ALG12: variants seen among roughly 807,000 people sequenced by gnomAD.
ALG12 encodes dol-P-Man:Man(7)GlcNAc(2)-PP-Dol alpha-1,6-mannosyltransferase.
Under a neutral mutation model 46.0 loss-of-function variants are expected in ALG12, and 36 were observed. That is an observed-to-expected ratio of 0.78 (90% CI 0.60 to 1.03). The LOEUF (loss-of-function observed/expected upper bound fraction) is 1.03, where lower values mean the gene tolerates loss of function less well. ALG12 is among the 50% of genes least tolerant of loss of function. ALG12 has a pLI of 0.00. For synonymous variants in ALG12, 326 were observed against 291.6 expected, an observed-to-expected ratio of 1.12 and a Z score of -1.20; for missense variants, 599 against 633.5, an observed-to-expected ratio of 0.95 and a Z score of 0.58.
chr22:49,885,949 G>T, the ALG12 span: 3 of 746,208 alleles, frequency 4.0e-6, no homozygotes, highest in Admixed American at 4.2e-5. Flanking sequence ...GCGCTGTGAC[G>T]ACCACCACTG....
At chr22:49,876,534 A>G in the ALG12 span, among the ~76,000 whole-genome samples, 2 of 152,046 alleles carry the variant, frequency 1.3e-5, no homozygotes, top group African/African-American at 2.4e-5. Flanking sequence ...TGTTATATTT[A>G]GTATGTTATT....
At chr22:49,867,739 T>G in the ALG12 span, among the ~76,000 whole-genome samples, 3 of 152,332 alleles carry the variant, frequency 2.0e-5, no homozygotes, top group African/African-American at 7.2e-5. Flanking sequence ...CTAGGCCTTG[T>G]AATACTGACT....
rs146341718 is a variant in ALG12 at position 49,904,193 on chromosome 22, G to T, written c.1224C>A (p.Val408=). The T allele has an allele frequency of 3.1e-6, 5 of 1,614,078 alleles. No individual in the cohort carries two copies. The African/African-American group carries it at 6.7e-5, about 22-fold the overall frequency. ...GTGGATCCTACCTCCAGGCGCTGTT[G>T]ACTTGGAGAAACCGAGACACACCTG... The part of the protein sequence containing the change: ...AQTGVSRFLQ[V]NSAWRYDKRE... Residue 408 remains valine, a synonymous_variant, in exon 9 of 10, where the codon GTC becomes GTA. Coordinates refer to ENST00000330817, the MANE Select transcript of ALG12 (RefSeq NM_024105.4).
the ALG12 span, among the ~76,000 whole-genome samples, chr22:49,883,107 A>G: frequency 6.6e-6 from 1 of 152,166 alleles, no homozygotes; most frequent in African/African-American, 2.4e-5. Flanking sequence ...TCCTTTATTA[A>G]TAGGCCACTT....
At chr22:49,904,601 A>G (rs1375070669) in intron 7 of ALG12, 95 bp from the exon 8 acceptor site, 13 of 1,404,746 alleles carry the variant, frequency 9.3e-6, no homozygotes, top group East Asian at 2.4e-5. Flanking sequence ...CTGCTGTTCA[A>G]CTTCACCAAG....
At chr22:49,885,614 C>G in the ALG12 span, 1 of 1,611,104 alleles carries the variant, frequency 6.2e-7, no homozygotes, top group Non-Finnish European at 8.5e-7. Context: ...TTTTACGATT[C>G]TCACCCAGTT....
In ALG12 at chr22:49,906,042, C is replaced by CT. The variant is rs1402139851; in HGVS notation, c.993-1537dup. 6.6e-6 allele frequency among the ~76,000 whole-genome samples: 1 copy of CT among 152,202 alleles called. No homozygotes were observed. The highest frequency in any genetic ancestry group is 2.4e-5 in the African/African-American group (1 of 41,448). On this transcript the variant is annotated intron_variant, in intron 7 of 9. Transcript: ENST00000330817. The surrounding 1 kb of genome is among the most constrained non-coding windows in gnomAD (Gnocchi z 4.4). ...TGCTCTTGCTCCCAGGGTGGCCGGGCTGAGGACCTGACTTCGGAGGGGGCC... is the reference window on the plus strand; with the variant it reads ...TGCTCTTGCTCCCAGGGTGGCCGGGCTTGAGGACCTGACTTCGGAGGGGGCC...
At chr22:49,886,291 T>C in the ALG12 span, 21 of 1,466,912 alleles carry the variant, frequency 1.4e-5, no homozygotes, top group Non-Finnish European at 2.0e-5. This position sits in a 1 kb window ranked among gnomAD's most constrained non-coding sequence, Gnocchi z 7.7. Flanking sequence ...GCAGAGGGAG[T>C]ACGCGCTGCC....
chr22:49,891,433 CAG>C, the ALG12 span, among the ~76,000 whole-genome samples: 1 of 152,190 alleles, frequency 6.6e-6, no homozygotes, highest in African/African-American at 2.4e-5. Flanking sequence ...CCTCTTTAAT[CAG>C]AGCATGAACA....
At chr22:49,880,016 A>G in the ALG12 span, among the ~76,000 whole-genome samples, 1 of 151,546 alleles carries the variant, frequency 6.6e-6, no homozygotes, top group African/African-American at 2.4e-5. Flanking sequence ...TTTGTCAGCC[A>G]TTTTGTATTT....
chr22:49,892,895 G>C, the ALG12 span, among the ~76,000 whole-genome samples: 7 of 152,302 alleles, frequency 4.6e-5, no homozygotes, highest in African/African-American at 1.4e-4. Flanking sequence ...AGAATCATAA[G>C]ACAATAGAAA....
chr22:49,906,519 GAGGGCAGTGC>G lies in ALG12; in HGVS notation c.992+1192_992+1201del, dbSNP rs2060542771. ...GGCAGCCAGAGGAGCTCCCAGGCCC[GAGGGCAGTGC>G]GGGGCAGTCGGAGCTGGGGGGCACC... is the stretch of plus-strand genomic sequence containing the variant. On this transcript the variant is annotated intron_variant, in intron 7 of 9. Coordinates refer to ENST00000330817, the MANE Select transcript of ALG12 (RefSeq NM_024105.4). The surrounding 1 kb of genome is among the most constrained non-coding windows in gnomAD (Gnocchi z 4.4). 6.6e-6 allele frequency among the ~76,000 whole-genome samples: 1 copy of G among 152,136 alleles called. No individual in the cohort carries two copies.
chr22:49,868,933 G>A, the ALG12 span, among the ~76,000 whole-genome samples: 1 of 139,304 alleles, frequency 7.2e-6, no homozygotes, highest in African/African-American at 2.7e-5. Context: ...CCAACATGGA[G>A]AAACTCTGTC....
At chr22:49,867,263 A>G in the ALG12 span, among the ~76,000 whole-genome samples, 75 of 152,154 alleles carry the variant, frequency 4.9e-4, no homozygotes, top group Non-Finnish European at 8.8e-4. Flanking sequence ...GAGGACTTGT[A>G]TAGTTTCAGT....
the ALG12 span, among the ~76,000 whole-genome samples, chr22:49,873,558 C>T: frequency 1.3e-5 from 2 of 152,176 alleles, no homozygotes; most frequent in Non-Finnish European, 2.9e-5. Flanking sequence ...CAAAATGTGA[C>T]ACACAGGTGG....
At chr22:49,899,205 G>T (rs948779869), downstream of ALG12, among the ~76,000 whole-genome samples, 15 of 152,166 alleles carry the variant, frequency 9.9e-5, no homozygotes, top group Non-Finnish European at 1.6e-4. Context: ...GGGCACAGTG[G>T]TTCACACCTG....
At chr22:49,869,504 C>G in the ALG12 span, among the ~76,000 whole-genome samples, 1 of 152,144 alleles carries the variant, frequency 6.6e-6, no homozygotes, top group Non-Finnish European at 1.5e-5. Flanking sequence ...TTTTTAGTTC[C>G]TGTTTATTCC....
At chr22:49,869,416 G>C in the ALG12 span, among the ~76,000 whole-genome samples, 2 of 152,328 alleles carry the variant, frequency 1.3e-5, no homozygotes, top group African/African-American at 4.8e-5. Context: ...TTTCATCTCT[G>C]ACTGGAGAAC....
At position 49,910,491 on chromosome 22, in the gene ALG12, A is replaced by C; in HGVS notation, c.412T>G (p.Phe138Val). The C allele has an allele frequency of 1.2e-6, 2 of 1,613,960 alleles. No individual in the cohort carries two copies. The highest frequency in any genetic ancestry group is 1.7e-6 in the Non-Finnish European group (2 of 1,180,032). The change falls in exon 4 of 10, where the codon TTC becomes GTC. Residue 138 changes from phenylalanine (F) to valine (V), a missense_variant. By Grantham distance (50) the Phe-to-Val change is conservative (BLOSUM62 -1). Coordinates refer to ENST00000330817, the MANE Select transcript of ALG12 (RefSeq NM_024105.4). ...TMFCWVTAMQFHLMFYCTRTL... is the reference protein window; with the variant it reads ...TMFCWVTAMQVHLMFYCTRTL... Reference sequence around the variant, plus strand: ...CGCGTGCAGTAGAACATCAGGTGGAACTGCATGGCCGTCACCCAGCAGAAC... The same window carrying C: ...CGCGTGCAGTAGAACATCAGGTGGACCTGCATGGCCGTCACCCAGCAGAAC...
Sources: gnomAD v4.1 joint callset for allele counts (sites outside exome capture counted in the v4.1 genomes callset) on GRCh38, gnomAD v4.1.1 for gene constraint, Gnocchi (gnomAD v3.1) non-coding constraint, MANE v1.5 for transcripts, NCBI Gene and HGNC (gene_info 2026-07-23, HGNC 2026-07-21) for gene names.